Variants in ANK3 observed in about 807,000 individuals in gnomAD.
ANK3 encodes the protein ankyrin 3.
Under a neutral mutation model 370.9 loss-of-function variants are expected in ANK3, and 57 were observed. That is an observed-to-expected ratio of 0.15 (90% confidence interval 0.12 to 0.19). The LOEUF (loss-of-function observed/expected upper bound fraction) is 0.19, where lower values mean the gene tolerates loss of function less well. ANK3 is among the 10% of genes least tolerant of loss of function. The probability of loss-of-function intolerance (pLI) is 1.00; values close to 1 mark genes in which losing one functional copy is unlikely to be tolerated. For missense variants in ANK3, 4,439 were observed against 5,302.1 expected (o/e 0.84, Z 5.06); for synonymous variants, 1,929 against 1,946.3 (o/e 0.99, Z 0.23).
At chr10:60,159,498 T>C (rs1403342902) in intron 23 of ANK3, among the ~76,000 whole-genome samples, 2 of 152,136 alleles carry the variant, frequency 1.3e-5, no homozygotes, top group Non-Finnish European at 1.5e-5. Context: ...ATTTTCAGCA[T>C]TGGACAGATC....
At chr10:60,694,552 G>A (rs1256117749) in intron 1 of ANK3, among the ~76,000 whole-genome samples, 7 of 152,148 alleles carry the variant, frequency 4.6e-5, no homozygotes, top group African/African-American at 1.7e-4. Flanking sequence ...GGATCTCTCA[G>A]CAGAAACTCT....
chr10:60,097,683 G>A (rs933948888), intron 28 of ANK3, among the ~76,000 whole-genome samples: 5 of 152,156 alleles, frequency 3.3e-5, no homozygotes, highest in African/African-American at 1.2e-4. Context: ...ATCTTGATTA[G>A]TTTTTGCCTC....
At chr10:60,163,204 C>G (rs949757453) in intron 23 of ANK3, among the ~76,000 whole-genome samples, 2 of 152,060 alleles carry the variant, frequency 1.3e-5, no homozygotes, top group Non-Finnish European at 2.9e-5. Context: ...AAGAATCAAA[C>G]TAGCACTACA....
chr10:60,180,611 A>AAAAAAAAC, intron 18 of ANK3, among the ~76,000 whole-genome samples: 2 of 130,980 alleles, frequency 1.5e-5, no homozygotes, highest in African/African-American at 6.4e-5. Flanking sequence ...AAAAAAAAAA[A>AAAAAAAAC]AACCAAAAAA....
At chr10:60,694,081 C>G (rs1028511625) in intron 1 of ANK3, among the ~76,000 whole-genome samples, 2 of 151,908 alleles carry the variant, frequency 1.3e-5, no homozygotes, top group African/African-American at 2.4e-5. Flanking sequence ...AAAACCAAGG[C>G]TCGAGAACTA....
chr10:60,572,904 G>A, intron 2 of ANK3: 4 of 1,018,594 alleles, frequency 3.9e-6, no homozygotes, highest in African/African-American at 1.7e-5. Context: ...GAGAGAAAGA[G>A]AGAGAGAGAC....
chr10:60,673,628 A>G (rs2079089133), intron 1 of ANK3, among the ~76,000 whole-genome samples: 1 of 152,206 alleles, frequency 6.6e-6, no homozygotes, highest in Admixed American at 6.5e-5. Context: ...CTGGGATTAC[A>G]GGCATGAACC....
chr10:60,427,470 T>C (rs887045848), intron 2 of ANK3, among the ~76,000 whole-genome samples: 1 of 152,082 alleles, frequency 6.6e-6, no homozygotes, highest in Middle Eastern at 3.4e-3. Flanking sequence ...AAAGTGGTTC[T>C]TTTAAAAGCA....
intron 2 of ANK3, among the ~76,000 whole-genome samples, chr10:60,613,104 G>A (rs192102347): frequency 6.6e-6 from 1 of 152,232 alleles, no homozygotes; most frequent in Non-Finnish European, 1.5e-5. Flanking sequence ...AGATATGACA[G>A]CCTATATTTT....
chr10:60,040,290 C>CTTT (rs926634479), intron 43 of ANK3, among the ~76,000 whole-genome samples: 1 of 142,118 alleles, frequency 7.0e-6, no homozygotes, highest in Non-Finnish European at 1.6e-5. Context: ...GCTTAGTTTT[C>CTTT]TTTTTTTTTT....
chr10:60,212,830 CA>C (rs895254955), intron 9 of ANK3, among the ~76,000 whole-genome samples: 23 of 151,914 alleles, frequency 1.5e-4, no homozygotes, highest in Non-Finnish European at 1.5e-5. Context: ...AATTTATTTG[CA>C]AATATTCTCC....
At chr10:60,685,423 T>C (rs976170052) in intron 1 of ANK3, among the ~76,000 whole-genome samples, 40 of 152,314 alleles carry the variant, frequency 2.6e-4, no homozygotes, top group African/African-American at 8.7e-4. Context: ...ACATGGTTCT[T>C]AATGCCCCTC....
At chr10:60,032,895 A>G (rs1564510089) in intron 43 of ANK3, among the ~76,000 whole-genome samples, 1 of 152,242 alleles carries the variant, frequency 6.6e-6, no homozygotes, top group African/African-American at 2.4e-5. Context: ...AAAAAGCATG[A>G]GAACCTTGGC....
At chr10:60,135,860 G>A (rs1306965951) in intron 24 of ANK3, among the ~76,000 whole-genome samples, 1 of 152,076 alleles carries the variant, frequency 6.6e-6, no homozygotes, top group Admixed American at 6.6e-5. Context: ...AGATAGGTAC[G>A]TACATTCTTC....
intron 28 of ANK3, among the ~76,000 whole-genome samples, chr10:60,105,186 T>C (rs2091992461): frequency 6.6e-6 from 1 of 151,812 alleles, no homozygotes. Context: ...GCATCAGACG[T>C]TATGGTGAGC....
chr10:60,655,112 C>G (rs922348147), intron 1 of ANK3, among the ~76,000 whole-genome samples: 9 of 151,648 alleles, frequency 5.9e-5, no homozygotes, highest in Non-Finnish European at 1.3e-4. Flanking sequence ...GTACATATTA[C>G]CTGATAATGA....
chr10:60,252,804 C>A (rs1332067614), intron 7 of ANK3, among the ~76,000 whole-genome samples: 1 of 152,196 alleles, frequency 6.6e-6, no homozygotes, highest in Non-Finnish European at 1.5e-5. Context: ...TCTGGATGTA[C>A]TTTAGAGGGC....
At chr10:60,613,467 TA>T (rs2078227272) in intron 2 of ANK3, among the ~76,000 whole-genome samples, 1 of 152,194 alleles carries the variant, frequency 6.6e-6, no homozygotes, top group Non-Finnish European at 1.5e-5. Context: ...TTTTGCTCCT[TA>T]AAATTATTGA....
chr10:60,427,086 C>A (rs568861906), intron 2 of ANK3, among the ~76,000 whole-genome samples: 46 of 152,278 alleles, frequency 3.0e-4, no homozygotes, highest in Middle Eastern at 3.4e-3. Context: ...ACATGGAAAA[C>A]AACTGAGCAT....
Sources: allele counts gnomAD v4.1 joint callset (sites outside exome capture counted in the v4.1 genomes callset), GRCh38; gene constraint gnomAD v4.1.1; transcripts MANE v1.5; gene names NCBI Gene and HGNC (gene_info 2026-07-23, HGNC 2026-07-21).